Variants in ADGRL2 observed in about 807,000 individuals in gnomAD.
The protein encoded by ADGRL2 is adhesion G protein-coupled receptor L2, also known as calcium-independent alpha-latrotoxin receptor 2.
ADGRL2 carries 44 observed loss-of-function variants against 157.4 expected under a neutral mutation model. The observed-to-expected ratio is 0.28, with a 90% CI of 0.22 to 0.36. The LOEUF (loss-of-function observed/expected upper bound fraction) is 0.36, where lower values mean the gene tolerates loss of function less well. Ranked by LOEUF, ADGRL2 falls within the 10% of genes least tolerant of loss-of-function variation. The pLI is 1.00. For synonymous variants in ADGRL2, 585 were observed against 624.7 expected, an observed-to-expected ratio of 0.94 and a Z score of 0.95; for missense variants, 1,510 against 1,768.9, an observed-to-expected ratio of 0.85 and a Z score of 2.63.
intron 1 of ADGRL2, among the ~76,000 whole-genome samples, chr1:81,356,902 G>A (rs2100876218): frequency 7.8e-6 from 1 of 128,344 alleles, no homozygotes; most frequent in East Asian, 2.8e-4. Flanking sequence ...GCAGTGAGCA[G>A]AGATCGCGCC....
At chr1:81,761,879 G>T (rs1167197568) in intron 2 of ADGRL2, 1 of 151,960 alleles carries the variant, frequency 6.6e-6, no homozygotes, top group Non-Finnish European at 1.5e-5. Context: ...TTCTGTATTT[G>T]ATAGTACTGA....
intron 2 of ADGRL2, among the ~76,000 whole-genome samples, chr1:81,543,207 A>T (rs904149958): frequency 6.6e-6 from 1 of 151,860 alleles, no homozygotes; most frequent in Non-Finnish European, 1.5e-5. Flanking sequence ...CCTAATTCCC[A>T]ACATGGTGGT....
At chr1:81,586,639 G>A (rs1222030547) in intron 3 of ADGRL2, among the ~76,000 whole-genome samples, 1 of 152,076 alleles carries the variant, frequency 6.6e-6, no homozygotes, top group East Asian at 1.9e-4. Context: ...AGCTAAAAAT[G>A]TAAAAAGCAT....
At chr1:81,565,542 C>T (rs1356986462) in intron 2 of ADGRL2, among the ~76,000 whole-genome samples, 2 of 152,168 alleles carry the variant, frequency 1.3e-5, no homozygotes, top group African/African-American at 4.8e-5. Flanking sequence ...GACCATGCTG[C>T]AGAGGTTTTG....
chr1:81,787,148 G>A (rs760446807), intron 2 of ADGRL2, among the ~76,000 whole-genome samples: 9 of 152,064 alleles, frequency 5.9e-5, no homozygotes, highest in East Asian at 5.8e-4. Flanking sequence ...AGCCTCCCCC[G>A]CCATGTGGAA....
chr1:81,836,958 C>G lies in ADGRL2; in HGVS notation c.-27C>G, dbSNP rs2092315565. 7.0e-7 allele frequency: 1 copy of G among 1,435,730 alleles called. No individual in the cohort carries two copies. The highest frequency in any genetic ancestry group is 1.3e-5 in the South Asian group (1 of 79,474). The allele number at this position is 1,435,730 out of a possible 1,614,324, so 88.9% of individuals were successfully genotyped here. On this transcript the variant is annotated 5_prime_UTR_variant, in exon 2 of 24. Coordinates refer to ENST00000686636, the MANE Select transcript of ADGRL2 (RefSeq NM_001366006.2). ...TTATAACTAGATTCATTAAGGAATACAAAGAAAATACTTAAAGGGATCAAT... is the reference window on the plus strand; with the variant it reads ...TTATAACTAGATTCATTAAGGAATAGAAAGAAAATACTTAAAGGGATCAAT...
chr1:81,450,138 G>A (rs1189215611), intron 2 of ADGRL2, among the ~76,000 whole-genome samples: 2 of 152,182 alleles, frequency 1.3e-5, no homozygotes, highest in Admixed American at 6.5e-5. Flanking sequence ...AGGGTGGAGA[G>A]TATAGATGAG....
chr1:81,509,114 C>A (rs749546567), intron 2 of ADGRL2, among the ~76,000 whole-genome samples: 1 of 152,182 alleles, frequency 6.6e-6, no homozygotes, highest in Non-Finnish European at 1.5e-5. Flanking sequence ...CAATTCCCTG[C>A]TTTTCAGAAT....
intron 3 of ADGRL2, among the ~76,000 whole-genome samples, chr1:81,617,631 G>A (rs768673814): frequency 2.8e-4 from 43 of 152,176 alleles, no homozygotes; most frequent in African/African-American, 4.1e-4. Flanking sequence ...TCATTGATAC[G>A]GGACACACTA....
chr1:81,431,470 G>A lies in ADGRL2; in HGVS notation c.-301-13566G>A, dbSNP rs1037705922. 2.0e-5 allele frequency among the ~76,000 whole-genome samples: 3 copies of A among 152,094 alleles called. No homozygotes were observed. In the East Asian group the frequency reaches 5.8e-4, roughly 29 times the overall value. ...AAACGTGGCCCCTAGAGAATCTTCT[G>A]GTCCCATTCAAATTCAAAGTGGTAG... On this transcript the variant is annotated intron_variant, in intron 1 of 24. Coordinates refer to the ADGRL2 transcript ENST00000370721.
intron 1 of ADGRL2, chr1:81,427,619 C>A (rs1222576385): frequency 3.1e-6 from 2 of 648,256 alleles, no homozygotes; most frequent in South Asian, 1.7e-5. Flanking sequence ...TTGAAAACAG[C>A]AGAAAAGGGC....
intron 2 of ADGRL2, among the ~76,000 whole-genome samples, chr1:81,840,385 A>G (rs2092520467): frequency 6.6e-6 from 1 of 152,016 alleles, no homozygotes; most frequent in Non-Finnish European, 1.5e-5. Context: ...TTACCTTGGT[A>G]CATGATTTTA....
chr1:81,862,499 AT>A (rs772041887), intron 2 of ADGRL2, among the ~76,000 whole-genome samples: 1 of 152,174 alleles, frequency 6.6e-6, no homozygotes, highest in African/African-American at 2.4e-5. Context: ...ATAGATCTTG[AT>A]TCAAAGCTAG....
At chr1:81,922,875 AT>A (rs1344975268) in intron 3 of ADGRL2, among the ~76,000 whole-genome samples, 1 of 151,914 alleles carries the variant, frequency 6.6e-6, no homozygotes, top group Non-Finnish European at 1.5e-5. Context: ...ATAAAATTAC[AT>A]TTCCCCTCCC....
intron 2 of ADGRL2, among the ~76,000 whole-genome samples, chr1:81,850,873 T>C (rs1413576359): frequency 1.3e-5 from 2 of 151,966 alleles, no homozygotes; most frequent in Non-Finnish European, 2.9e-5. Flanking sequence ...AGCTAATTCA[T>C]TGAAGTTAAG....
chr1:81,652,775 G>A (rs915561041), intron 3 of ADGRL2, among the ~76,000 whole-genome samples: 4 of 152,004 alleles, frequency 2.6e-5, no homozygotes, highest in African/African-American at 7.2e-5. Context: ...ACAAGCTTCC[G>A]GATGCCCTCT....
At chr1:81,405,171 C>A (rs1371337567) in intron 1 of ADGRL2, among the ~76,000 whole-genome samples, 2 of 152,036 alleles carry the variant, frequency 1.3e-5, no homozygotes, top group East Asian at 3.9e-4. Context: ...ATGAGGAATG[C>A]CCACTCTGAG....
rs76158015 is a variant in ADGRL2 at position 81,761,097 on chromosome 1, C to T, written c.-142-714C>T. ...CTTCAACAACAAAAACAACAAAAAC[C>T]AACTTTTTAATTTGGGAACATTAGG... is the stretch of plus-strand genomic sequence containing the variant. On this transcript the variant is annotated intron_variant, in intron 1 of 20. Coordinates refer to the ADGRL2 transcript ENST00000359929. Among the ~76,000 whole-genome samples, 318 of 151,792 alleles carry T rather than the reference C, an allele frequency of 2.1e-3. 1 individual carries two copies. The highest frequency in any genetic ancestry group is 3.4e-3 in the Non-Finnish European group (231 of 67,746).
In ADGRL2 at chr1:81,907,014, A is replaced by T. The variant is rs2094597681; in HGVS notation, c.74-3A>T. 2 of 1,607,046 alleles carry T rather than the reference A, an allele frequency of 1.2e-6. No homozygotes were observed. Among genetic ancestry groups the T allele is most frequent in the Admixed American group, 1.7e-5 (1 of 59,666 alleles). ...TTTAATTTTCTTTCTTTTTTATTTT[A>T]AGGTTTCAGCAGAGCAGCTTTACCA... On this transcript the variant is annotated splice_polypyrimidine_tract_variant and splice_region_variant and intron_variant, in intron 2 of 23. Coordinates refer to ENST00000686636, the MANE Select transcript of ADGRL2 (RefSeq NM_001366006.2).
Sources: gnomAD v4.1 joint callset for allele counts (sites outside exome capture counted in the v4.1 genomes callset) on GRCh38, gnomAD v4.1.1 for gene constraint, MANE v1.5 for transcripts, NCBI Gene and HGNC (gene_info 2026-07-23, HGNC 2026-07-21) for gene names.